The following STARD13 variants were observed in gnomAD, a reference collection of about 807,000 sequenced individuals.
STARD13 encodes stAR-related lipid transfer protein 13.
STARD13 carries 62 observed loss-of-function variants against 106.4 expected under a neutral mutation model. The observed-to-expected ratio is 0.58, with a 90% confidence interval of 0.48 to 0.72. STARD13 has a LOEUF of 0.72. Ranked by LOEUF, STARD13 falls within the 30% of genes least tolerant of loss-of-function variation. The pLI, the probability that STARD13 is intolerant of heterozygous loss-of-function variation, is 0.00. For missense variants in STARD13, 1,387 were observed against 1,424.0 expected, an observed-to-expected ratio of 0.97 and a Z score of 0.42; for synonymous variants, 565 against 553.0, an observed-to-expected ratio of 1.02 and a Z score of -0.31.
At chr13:33,476,510 TA>T in the STARD13 span, among the ~76,000 whole-genome samples, 5 of 152,352 alleles carry the variant, frequency 3.3e-5, no homozygotes, top group East Asian at 9.6e-4. Context: ...GGAGATCATT[TA>T]TCCTCATACT....
chr13:33,224,422 G>A (rs1440371989), intron 1 of STARD13, among the ~76,000 whole-genome samples: 2 of 152,182 alleles, frequency 1.3e-5, no homozygotes, highest in Admixed American at 6.5e-5. Flanking sequence ...TACAACACAA[G>A]TGTACTTATC....
At chr13:33,364,164 A>G in the STARD13 span, among the ~76,000 whole-genome samples, 1 of 152,062 alleles carries the variant, frequency 6.6e-6, no homozygotes, top group Non-Finnish European at 1.5e-5. Flanking sequence ...TAATGCTATC[A>G]TAGATTAACC....
chr13:33,110,634 ATTGT>A, intron 11 of STARD13, 48 bp downstream of exon 11: 1 of 1,496,656 alleles, frequency 6.7e-7, no homozygotes, highest in South Asian at 1.1e-5. Context: ...CAAATGTCTG[ATTGT>A]TAGCTGTGGC....
At chr13:33,602,518 G>T in the STARD13 span, among the ~76,000 whole-genome samples, 1 of 152,168 alleles carries the variant, frequency 6.6e-6, no homozygotes. Context: ...TAAGAAGGTG[G>T]GGGGCAGTTT....
the STARD13 span, among the ~76,000 whole-genome samples, chr13:33,478,003 C>T: frequency 2.6e-5 from 4 of 151,364 alleles, no homozygotes; most frequent in African/African-American, 2.4e-5. Context: ...CTCATGACTG[C>T]TTCCTTACCT....
the STARD13 span, among the ~76,000 whole-genome samples, chr13:33,485,435 TA>T: frequency 3.5e-3 from 530 of 151,182 alleles, 1 homozygote; most frequent in Admixed American, 7.6e-3. Context: ...CCCTCAAACT[TA>T]AAAAAAAATG....
At chr13:33,313,185 T>G (rs1893206433) in intron 1 of STARD13, among the ~76,000 whole-genome samples, 1 of 152,232 alleles carries the variant, frequency 6.6e-6, no homozygotes, top group South Asian at 2.1e-4. Context: ...TTTTTAAAAT[T>G]TATCATGAGT....
chr13:33,270,017 T>C (rs1291708377), intron 1 of STARD13, among the ~76,000 whole-genome samples: 1 of 152,034 alleles, frequency 6.6e-6, no homozygotes, highest in East Asian at 1.9e-4. Flanking sequence ...GGGTGGATCA[T>C]CTAAGGTCAG....
intron 4 of STARD13, among the ~76,000 whole-genome samples, chr13:33,139,622 T>A (rs1382736552): frequency 6.6e-6 from 1 of 152,212 alleles, no homozygotes; most frequent in Non-Finnish European, 1.5e-5. Flanking sequence ...CTAGAGGAAA[T>A]CCCGCTGCCT....
the STARD13 span, among the ~76,000 whole-genome samples, chr13:33,443,401 G>T: frequency 6.7e-6 from 1 of 150,126 alleles, no homozygotes; most frequent in Non-Finnish European, 1.5e-5. Context: ...AATTGGTTAG[G>T]ATGATAAATT....
At chr13:33,361,047 C>T in the STARD13 span, among the ~76,000 whole-genome samples, 22 of 149,738 alleles carry the variant, frequency 1.5e-4, no homozygotes, top group Admixed American at 1.1e-3. Flanking sequence ...ACCTGTAATC[C>T]GCCTGCCTCG....
chr13:33,107,445 T>C (rs745616254), intron 12 of STARD13, among the ~76,000 whole-genome samples: 1 of 151,962 alleles, frequency 6.6e-6, no homozygotes, highest in Non-Finnish European at 1.5e-5. Context: ...TGGGATCACA[T>C]AGAGGGGGCT....
chr13:33,507,677 C>A, the STARD13 span, among the ~76,000 whole-genome samples: 1 of 152,178 alleles, frequency 6.6e-6, no homozygotes, highest in African/African-American at 2.4e-5. Context: ...GAAAACTTAA[C>A]TGTTAACACA....
chr13:33,360,507 A>G, the STARD13 span, among the ~76,000 whole-genome samples: 7 of 151,916 alleles, frequency 4.6e-5, no homozygotes, highest in Admixed American at 4.6e-4. Context: ...CCTGGCCGGC[A>G]GTCGATTTTT....
At chr13:33,194,857 C>T (rs1397829142) in intron 1 of STARD13, among the ~76,000 whole-genome samples, 1 of 152,202 alleles carries the variant, frequency 6.6e-6, no homozygotes, top group African/African-American at 2.4e-5. Context: ...ACCATAGAGA[C>T]TTTGATTTAT....
At chr13:33,143,567 T>TGTTG (rs1247980629) in intron 3 of STARD13, among the ~76,000 whole-genome samples, 1 of 152,212 alleles carries the variant, frequency 6.6e-6, no homozygotes, top group Non-Finnish European at 1.5e-5. Flanking sequence ...TTTGTTTGTT[T>TGTTG]TTTGAGACGG....
intron 1 of STARD13, among the ~76,000 whole-genome samples, chr13:33,212,556 G>T (rs1887784836): frequency 6.6e-6 from 1 of 152,188 alleles, no homozygotes; most frequent in Non-Finnish European, 1.5e-5. Flanking sequence ...GTGTGGGCAG[G>T]TGCAGATGTG....
At chr13:33,218,752 C>T (rs907990367) in intron 1 of STARD13, among the ~76,000 whole-genome samples, 5 of 152,190 alleles carry the variant, frequency 3.3e-5, no homozygotes, top group African/African-American at 1.2e-4. Flanking sequence ...TGTAACATAT[C>T]TTTCATTCAG....
chr13:33,560,123 T>C, the STARD13 span, among the ~76,000 whole-genome samples: 1 of 151,502 alleles, frequency 6.6e-6, no homozygotes, highest in East Asian at 1.9e-4. Context: ...GTTGCTGACA[T>C]GGTAGGTAAT....
Sources: allele counts gnomAD v4.1 joint callset (sites outside exome capture counted in the v4.1 genomes callset), GRCh38; gene constraint gnomAD v4.1.1; transcripts MANE v1.5; gene names NCBI Gene and HGNC (gene_info 2026-07-23, HGNC 2026-07-21).